Variants in TMEM178B observed in about 807,000 individuals in gnomAD.
TMEM178B encodes the protein transmembrane protein 178B.
A neutral mutation model predicts 31.0 loss-of-function variants in TMEM178B; 5 were observed. The observed-to-expected ratio is 0.16, with a 90% confidence interval of 0.08 to 0.34. The LOEUF (loss-of-function observed/expected upper bound fraction) is 0.34, where lower values mean the gene tolerates loss of function less well. Ranked by LOEUF, TMEM178B falls within the 10% of genes least tolerant of loss-of-function variation. The pLI, the probability that TMEM178B is intolerant of heterozygous loss-of-function variation, is 1.00. For synonymous variants in TMEM178B, 164 were observed against 164.0 expected (o/e 1.00, Z 0.00); for missense variants, 275 against 400.3 (o/e 0.69, Z 2.67).
In TMEM178B at chr7:141,472,486, G is replaced by C. The variant is rs1334189338; in HGVS notation, c.*1700G>C. On this transcript the variant is annotated 3_prime_UTR_variant, in exon 4 of 4. Transcript: ENST00000565468. ...TGTAGGGGTGGGAGTCTGCTGGAGT[G>C]GGCTGGAGCCGCTCACAGTCATCTC... 1 of 152,188 alleles carries C rather than the reference G, an allele frequency of 6.6e-6. No individual in the cohort carries two copies. Among genetic ancestry groups the C allele is most frequent in the Non-Finnish European group, 1.5e-5 (1 of 68,076 alleles). The allele number at this position is 152,188 out of a possible 1,614,324, so 9.4% of individuals were successfully genotyped here.
chr7:141,120,326 G>A (rs1340409081), intron 1 of TMEM178B, among the ~76,000 whole-genome samples: 1 of 152,196 alleles, frequency 6.6e-6, no homozygotes, highest in African/African-American at 2.4e-5. Context: ...TCATATCCAT[G>A]TTAGTTTTTT....
intron 2 of TMEM178B, among the ~76,000 whole-genome samples, chr7:141,346,506 G>T (rs528640594): frequency 6.6e-6 from 1 of 152,252 alleles, no homozygotes; most frequent in Non-Finnish European, 1.5e-5. Context: ...CTTTGTGTAA[G>T]ATTTGTTAGG....
rs938402070 is a variant in TMEM178B, at chr7:141,459,155, G to A, written c.635-11381G>A. 3.9e-5 allele frequency among the ~76,000 whole-genome samples: 6 copies of A among 152,154 alleles called. No individual in the cohort carries two copies. In the South Asian group the frequency reaches 6.2e-4, roughly 16 times the overall value. ...AGCAATTCTCCTGCCTCAGCCTCCC[G>A]AGTAGCTGGGATTACAGGCATGCGC... On this transcript the variant is annotated intron_variant, in intron 3 of 3. Coordinates refer to ENST00000565468, the MANE Select transcript of TMEM178B (RefSeq NM_001195278.2).
At chr7:141,458,112 TTTTG>T (rs1801997990) in intron 3 of TMEM178B, among the ~76,000 whole-genome samples, 1 of 152,140 alleles carries the variant, frequency 6.6e-6, no homozygotes, top group Non-Finnish European at 1.5e-5. Flanking sequence ...TTTTATTACT[TTTTG>T]TTTGTTTGTT....
At chr7:141,301,173 C>A (rs1654543930) in intron 2 of TMEM178B, among the ~76,000 whole-genome samples, 2 of 152,228 alleles carry the variant, frequency 1.3e-5, no homozygotes. Flanking sequence ...ACCTGAAAGA[C>A]CTGGCAGTAT....
At chr7:141,166,852 T>C (rs1203178707) in intron 1 of TMEM178B, among the ~76,000 whole-genome samples, 15 of 152,228 alleles carry the variant, frequency 9.9e-5, no homozygotes, top group Admixed American at 9.8e-4. Flanking sequence ...GTGCCCTTTC[T>C]GGCTATTGCT....
intron 2 of TMEM178B, among the ~76,000 whole-genome samples, chr7:141,258,233 A>G (rs9691791): frequency 1.3e-5 from 2 of 151,750 alleles, no homozygotes; most frequent in Middle Eastern, 3.4e-3. Context: ...AAACCCCCAG[A>G]TATGGTTCTT....
chr7:141,458,598 G>C (rs1359814500), intron 3 of TMEM178B, among the ~76,000 whole-genome samples: 1 of 152,124 alleles, frequency 6.6e-6, no homozygotes, highest in East Asian at 1.9e-4. Context: ...TGGAGTGGGT[G>C]ATGGAGATGA....
intron 2 of TMEM178B, among the ~76,000 whole-genome samples, chr7:141,314,233 T>G (rs367796024): frequency 1.3e-5 from 2 of 152,358 alleles, no homozygotes; most frequent in African/African-American, 4.8e-5. Flanking sequence ...AGCAGCCATA[T>G]GGCTTCAACT....
intron 1 of TMEM178B, among the ~76,000 whole-genome samples, chr7:141,134,196 C>T (rs1176778199): frequency 1.3e-5 from 2 of 152,118 alleles, no homozygotes; most frequent in African/African-American, 2.4e-5. Flanking sequence ...GATCATGCCA[C>T]TGCACTTCAG....
At chr7:141,453,014 A>AGAAGTCAATAGG (rs1801897537) in intron 3 of TMEM178B, among the ~76,000 whole-genome samples, 1 of 152,174 alleles carries the variant, frequency 6.6e-6, no homozygotes, top group African/African-American at 2.4e-5. Flanking sequence ...CCTCCATGAC[A>AGAAGTCAATAGG]CCCTTTTCTG....
chr7:141,133,945 G>T (rs1795634389), intron 1 of TMEM178B, among the ~76,000 whole-genome samples: 1 of 152,208 alleles, frequency 6.6e-6, no homozygotes, highest in South Asian at 2.1e-4. Flanking sequence ...TATTCAAAAT[G>T]TTGAAAGAGG....
At chr7:141,282,662 T>C (rs1361782385) in intron 2 of TMEM178B, among the ~76,000 whole-genome samples, 4 of 152,182 alleles carry the variant, frequency 2.6e-5, no homozygotes, top group African/African-American at 9.7e-5. Flanking sequence ...GCATGAGAGG[T>C]ATTGACTTAG....
At chr7:141,241,482 C>T (rs990219347) in intron 2 of TMEM178B, among the ~76,000 whole-genome samples, 3 of 147,706 alleles carry the variant, frequency 2.0e-5, no homozygotes, top group Non-Finnish European at 3.0e-5. Context: ...CCCAGCTACT[C>T]GGGAGGCTGA....
In TMEM178B at chr7:141,380,180, G is replaced by A. The variant is rs74442016; in HGVS notation, c.497-57428G>A. Among the ~76,000 whole-genome samples, 278 of 152,254 alleles carry A rather than the reference G, an allele frequency of 1.8e-3. 1 individual carries two copies. Among genetic ancestry groups the A allele is most frequent in the South Asian group, 8.1e-3 (39 of 4,822 alleles). Reference sequence around the variant, plus strand: ...ACTTGATTAAAGTCCCCACACATTGGTGCTGACTACTTCACTAGCCTAGAA... The same window carrying A: ...ACTTGATTAAAGTCCCCACACATTGATGCTGACTACTTCACTAGCCTAGAA... On this transcript the variant is annotated intron_variant, in intron 2 of 3. Coordinates refer to ENST00000565468, the MANE Select transcript of TMEM178B (RefSeq NM_001195278.2).
intron 2 of TMEM178B, among the ~76,000 whole-genome samples, chr7:141,301,124 G>A (rs975808953): frequency 2.0e-5 from 3 of 152,152 alleles, no homozygotes; most frequent in East Asian, 1.9e-4. Context: ...ATGTGGGTAC[G>A]TTAGAAAGAA....
intron 2 of TMEM178B, among the ~76,000 whole-genome samples, chr7:141,260,246 C>T (rs1296254827): frequency 6.6e-6 from 1 of 152,000 alleles, no homozygotes; most frequent in Admixed American, 6.6e-5. Context: ...CTCAGCAAAG[C>T]TGATGATTTT....
chr7:141,492,635 G>A, the TMEM178B span, among the ~76,000 whole-genome samples: 1 of 152,192 alleles, frequency 6.6e-6, no homozygotes, highest in African/African-American at 2.4e-5. Flanking sequence ...AGGTGGGAAC[G>A]ACAGAAATGA....
At chr7:141,454,557 C>A (rs1005543580) in intron 3 of TMEM178B, among the ~76,000 whole-genome samples, 1 of 135,006 alleles carries the variant, frequency 7.4e-6, no homozygotes, top group Non-Finnish European at 1.6e-5. Context: ...TCTCTCCTCT[C>A]TCTCCTCTCT....
Sources: gnomAD v4.1 joint callset for allele counts (sites outside exome capture counted in the v4.1 genomes callset) on GRCh38, gnomAD v4.1.1 for gene constraint, MANE v1.5 for transcripts, NCBI Gene and HGNC (gene_info 2026-07-23, HGNC 2026-07-21) for gene names.